The following LOXL1 variants were observed in gnomAD, a reference collection of about 807,000 sequenced individuals.
LOXL1 encodes the protein lysyl oxidase like 1, also known as lysyl oxidase homolog 1.
Under a neutral mutation model 62.2 loss-of-function variants are expected in LOXL1, and 31 were observed. The ratio of observed to expected loss-of-function variants is 0.50; its 90% CI spans 0.37 to 0.67. The LOEUF is 0.67. Among genes scored for constraint, LOXL1 ranks in the 30% least tolerant of loss-of-function variants. The pLI is 0.00. For synonymous variants in LOXL1, 403 were observed against 384.4 expected, an observed-to-expected ratio of 1.05 and a Z score of -0.56; for missense variants, 775 against 843.4, an observed-to-expected ratio of 0.92 and a Z score of 1.00.
At chr15:73,940,219 C>T (rs1013677891) in intron 1 of LOXL1, among the ~76,000 whole-genome samples, 18 of 152,126 alleles carry the variant, frequency 1.2e-4, no homozygotes, top group African/African-American at 3.9e-4. Context: ...CTTCCCGCAA[C>T]AAGAGGCCCC....
At chr15:73,935,853 AG>A (rs1299697583) in intron 1 of LOXL1, among the ~76,000 whole-genome samples, 1 of 150,588 alleles carries the variant, frequency 6.6e-6, no homozygotes, top group East Asian at 2.0e-4. Flanking sequence ...AAAAGGGTGC[AG>A]GGTGGTGGTG....
In LOXL1 at chr15:73,927,716, G is replaced by A. The variant is rs750341881; in HGVS notation, c.933G>A (p.Pro311=). The part of the protein sequence containing the change: ...HGGDPRLGWY[P]PYANPPPEAY... ...GAGACCCACGCCTGGGCTGGTACCC[G>A]CCCTACGCCAACCCGCCGCCCGAGG... The change falls in exon 1 of 7, where the codon CCG becomes CCA. Residue 311 remains proline (P), a synonymous_variant. Coordinates refer to ENST00000261921, the MANE Select transcript of LOXL1 (RefSeq NM_005576.4). The A allele has an allele frequency of 1.4e-6, 2 of 1,468,536 alleles. No homozygotes were observed. The highest frequency in any genetic ancestry group is 1.3e-5 in the South Asian group (1 of 76,904). 91.0% of individuals were successfully genotyped at this position (1,468,536 alleles called of 1,614,324 possible).
chr15:73,949,533 C>G lies in LOXL1; in HGVS notation c.1677C>G (p.Tyr559Ter). The part of the protein sequence containing the change: ...TNNVVRCNIH[Y>*]TGRYVSATNC... The stretch of plus-strand genomic sequence containing the variant: ...ACGTGGTGAGATGCAACATTCACTA[C>G]ACAGGTCGCTACGTTTCTGCAACAA... Residue 559 changes from tyrosine to a stop codon, truncating the protein, a stop_gained, in exon 6 of 7, where the codon TAC (tyrosine) becomes TAG (stop). Coordinates refer to ENST00000261921, the MANE Select transcript of LOXL1 (RefSeq NM_005576.4). LOFTEE classifies it high-confidence loss of function. 1 of 1,614,118 alleles carries G rather than the reference C, an allele frequency of 6.2e-7. No individual in the cohort carries two copies. The highest frequency in any genetic ancestry group is 1.7e-5 in the Admixed American group (1 of 60,036).
At position 73,927,419 on chromosome 15, in the gene LOXL1, G is replaced by T; in HGVS notation, c.636G>T (p.Val212=). The T allele has an allele frequency of 6.6e-7, 1 of 1,507,990 alleles. No individual in the cohort carries two copies. Among genetic ancestry groups the T allele is most frequent in the East Asian group, 2.6e-5 (1 of 38,514 alleles). The allele number at this position is 1,507,990 out of a possible 1,614,324, so 93.4% of individuals were successfully genotyped here. ...FVYYRPAGGG[V]GAGAAAVASA... ...ACTACCGGCCCGCGGGCGGCGGCGTGGGCGCGGGGGCGGCGGCCGTGGCCT... is the reference window on the plus strand; with the variant it reads ...ACTACCGGCCCGCGGGCGGCGGCGTTGGCGCGGGGGCGGCGGCCGTGGCCT... The change falls in exon 1 of 7, where the codon GTG becomes GTT. Residue 212 remains valine (V), a synonymous_variant. Coordinates refer to ENST00000261921, the MANE Select transcript of LOXL1 (RefSeq NM_005576.4).
At chr15:73,940,625 G>A (rs558380954) in intron 1 of LOXL1, among the ~76,000 whole-genome samples, 92 of 152,102 alleles carry the variant, frequency 6.0e-4, no homozygotes, top group African/African-American at 2.1e-3. Flanking sequence ...AACAGGGCTT[G>A]GTGTGTGATC....
At chr15:73,941,157 C>G (rs762880952) in intron 1 of LOXL1, among the ~76,000 whole-genome samples, 1 of 152,164 alleles carries the variant, frequency 6.6e-6, no homozygotes, top group Non-Finnish European at 1.5e-5. Context: ...GCTTGAGGGC[C>G]TATGGGTCCC....
rs945495153 is a variant in LOXL1, at chr15:73,930,892, C to T, written c.1102+3007C>T. Among the ~76,000 whole-genome samples the T allele has an allele frequency of 2.0e-5, 3 of 152,220 alleles. No individual in the cohort carries two copies. Among genetic ancestry groups the T allele is most frequent in the Non-Finnish European group, 4.4e-5 (3 of 68,020 alleles). On this transcript the variant is annotated intron_variant, in intron 1 of 6. Coordinates refer to ENST00000261921, the MANE Select transcript of LOXL1 (RefSeq NM_005576.4). This position sits in a 1 kb window ranked among gnomAD's most constrained non-coding sequence, Gnocchi z 4.7. ...AGGGTCACATACTTTGCCTGGCTCT[C>T]ATAGCAAATCCTTGAAGAGAGGCCT... is the stretch of plus-strand genomic sequence containing the variant.
Position 73,951,843 on chromosome 15 carries a change from G to T in LOXL1, c.*6G>T. Reference sequence around the variant, plus strand: ...TTTCCTTCCTCAGATCCTGATCTCCGGGAGGGACAGATGGCCAATCTCTCC... The same window carrying T: ...TTTCCTTCCTCAGATCCTGATCTCCTGGAGGGACAGATGGCCAATCTCTCC... On this transcript the variant is annotated 3_prime_UTR_variant, in exon 7 of 7. Coordinates refer to ENST00000261921, the MANE Select transcript of LOXL1 (RefSeq NM_005576.4). 1 of 1,542,918 alleles carries T rather than the reference G, an allele frequency of 6.5e-7. No homozygotes were observed. The highest frequency in any genetic ancestry group is 8.8e-7 in the Non-Finnish European group (1 of 1,140,232).
intron 3 of LOXL1, 46 bp from the exon 4 acceptor site, chr15:73,947,021 G>T: frequency 6.6e-7 from 1 of 1,525,236 alleles, no homozygotes; most frequent in Non-Finnish European, 8.9e-7. Flanking sequence ...GAGAGGCCCA[G>T]GGAAGACTAG....
chr15:73,927,284 C>T lies in LOXL1; in HGVS notation c.501C>T (p.Tyr167=). 1 of 1,603,272 alleles carries T rather than the reference C, an allele frequency of 6.2e-7. No homozygotes were observed. The highest frequency in any genetic ancestry group is 8.5e-7 in the Non-Finnish European group (1 of 1,177,484). ...CGGCTTCGGCCTTCGCCAGCACCTA[C>T]CGCCAGCAGCCCTCCTACCCGCAGC... The part of the protein sequence containing the change: ...SVSASAFAST[Y]RQQPSYPQQF... The change falls in exon 1 of 7, where the codon TAC becomes TAT. Residue 167 remains tyrosine, a synonymous_variant. Transcript: ENST00000261921.
chr15:73,927,458 C>G lies in LOXL1; in HGVS notation c.675C>G (p.Ile225Met), dbSNP rs2068593107. 1.4e-6 allele frequency: 2 copies of G among 1,448,514 alleles called. No individual in the cohort carries two copies. Among genetic ancestry groups the G allele is most frequent in the Non-Finnish European group, 1.8e-6 (2 of 1,103,808 alleles). 89.7% of individuals were successfully genotyped at this position (1,448,514 alleles called of 1,614,324 possible). A position where few individuals can be genotyped will look rare whatever the true frequency, so the allele number is the denominator to read the frequency against. The change falls in exon 1 of 7, where the codon ATC becomes ATG. Residue 225 changes from isoleucine (I) to methionine (M), a missense_variant. Physicochemically the swap from Ile to Met is conservative, Grantham distance 10. Coordinates refer to ENST00000261921, the MANE Select transcript of LOXL1 (RefSeq NM_005576.4). The part of the protein sequence containing the change: ...GAAAVASAGV[I>M]YPYQPRARYE... ...CGGCCGTGGCCTCGGCGGGGGTCAT[C>G]TACCCCTACCAGCCCCGGGCGCGCT... is the stretch of plus-strand genomic sequence containing the variant.
At chr15:73,928,080 G>A in intron 1 of LOXL1, 195 bp downstream of exon 1, 1 of 443,044 alleles carries the variant, frequency 2.3e-6, no homozygotes, top group Non-Finnish European at 3.8e-6. Context: ...AGCTTAACCC[G>A]CACCCAGGCA....
chr15:73,947,907 G>A lies in LOXL1; in HGVS notation c.1602+5G>A, dbSNP rs61618712. The A allele has an allele frequency of 3.1e-6, 5 of 1,609,790 alleles. No individual in the cohort carries two copies. The highest frequency in any genetic ancestry group is 4.2e-6 in the Non-Finnish European group (5 of 1,177,130). ...CCTGGGAACTACATCCTCAAGGTGG[G>A]CCTCTGGGTCTGGGGCTTTCCCTCC... On this transcript the variant is annotated splice_donor_5th_base_variant and intron_variant, in intron 5 of 6. Coordinates refer to ENST00000261921, the MANE Select transcript of LOXL1 (RefSeq NM_005576.4).
At position 73,942,915 on chromosome 15, in the gene LOXL1, C is replaced by T; in HGVS notation, c.1164C>T (p.Ala388=). 1 of 1,614,110 alleles carries T rather than the reference C, an allele frequency of 6.2e-7. No homozygotes were observed. Among genetic ancestry groups the T allele is most frequent in the Non-Finnish European group, 8.5e-7 (1 of 1,179,970 alleles). ...AAGCATCCACTTATGTGCAGAGAGC[C>T]CACCTGTACTCCCTGCGCTGTGCTG... The part of the protein sequence containing the change: ...YVQASTYVQR[A]HLYSLRCAAE... Residue 388 remains alanine, a synonymous_variant, in exon 2 of 7, where the codon GCC becomes GCT. Coordinates refer to ENST00000261921, the MANE Select transcript of LOXL1 (RefSeq NM_005576.4).
At chr15:73,935,440 G>A (rs1455874916) in intron 1 of LOXL1, among the ~76,000 whole-genome samples, 1 of 152,190 alleles carries the variant, frequency 6.6e-6, no homozygotes, top group Non-Finnish European at 1.5e-5. Context: ...GGAAGGCTGT[G>A]GGCAGCGTAA....
At position 73,932,964 on chromosome 15, in the gene LOXL1, A is replaced by G. The variant is rs2068645811; in HGVS notation, c.1102+5079A>G. Among the ~76,000 whole-genome samples, 3 of 152,278 alleles carry G rather than the reference A, an allele frequency of 2.0e-5. No homozygotes were observed. The South Asian group carries it at 6.2e-4, about 32-fold the overall frequency. ...TTGAGAGTCATCAGTGTCTGAACAAACAAGTGGAGTCCTAAGCAGCCTCAT... is the reference window on the plus strand; with the variant it reads ...TTGAGAGTCATCAGTGTCTGAACAAGCAAGTGGAGTCCTAAGCAGCCTCAT... On this transcript the variant is annotated intron_variant, in intron 1 of 6. Coordinates refer to ENST00000261921, the MANE Select transcript of LOXL1 (RefSeq NM_005576.4).
Position 73,926,816 on chromosome 15 carries a change from G to C in LOXL1, c.33G>C (p.Gly11=). Residue 11 remains glycine (G), a synonymous_variant, in exon 1 of 7, where the codon GGG becomes GGC. Transcript: ENST00000261921. MALARGSRQL[G]ALVWGACLCV... is the part of the protein sequence containing the mutation. Reference sequence around the variant, plus strand: ...TGGCCCGAGGCAGCCGGCAGCTGGGGGCCCTGGTGTGGGGCGCCTGCCTGT... The same window carrying C: ...TGGCCCGAGGCAGCCGGCAGCTGGGCGCCCTGGTGTGGGGCGCCTGCCTGT... 2 of 1,500,822 alleles carry C rather than the reference G, an allele frequency of 1.3e-6. No individual in the cohort carries two copies. The highest frequency in any genetic ancestry group is 2.6e-5 in the South Asian group (2 of 77,442). The allele number at this position is 1,500,822 out of a possible 1,614,324, so 93.0% of individuals were successfully genotyped here.
intron 1 of LOXL1, among the ~76,000 whole-genome samples, chr15:73,939,192 C>G (rs928240304): frequency 6.6e-6 from 1 of 152,230 alleles, no homozygotes; most frequent in African/African-American, 2.4e-5. Context: ...GGGCCAAGAG[C>G]CCAAGCCTGC....
At chr15:73,943,340 G>C (rs924541502) in intron 2 of LOXL1, among the ~76,000 whole-genome samples, 6 of 152,222 alleles carry the variant, frequency 3.9e-5, no homozygotes, top group African/African-American at 1.4e-4. Context: ...CCTTTTGGGA[G>C]CCCAGGCTTC....
Sources: allele counts gnomAD v4.1 joint callset (sites outside exome capture counted in the v4.1 genomes callset), GRCh38; gene constraint gnomAD v4.1.1; non-coding constraint Gnocchi (gnomAD v3.1); transcripts MANE v1.5; gene names NCBI Gene and HGNC (gene_info 2026-07-23, HGNC 2026-07-21).